Variants in GPM6A observed in about 807,000 individuals in gnomAD.
The protein encoded by GPM6A is neuronal membrane glycoprotein M6-a.
A neutral mutation model predicts 32.1 loss-of-function variants in GPM6A; 7 were observed. The observed-to-expected ratio is 0.22, with a 90% CI of 0.12 to 0.41. GPM6A has a LOEUF of 0.41. Among genes scored for constraint, GPM6A ranks in the 10% least tolerant of loss-of-function variants. The pLI is 1.00. For synonymous variants in GPM6A, 130 were observed against 123.4 expected, an observed-to-expected ratio of 1.05 and a Z score of -0.35; for missense variants, 235 against 347.2, an observed-to-expected ratio of 0.68 and a Z score of 2.57.
At chr4:175,915,476 T>C (rs1211880067) in intron 1 of GPM6A, among the ~76,000 whole-genome samples, 1 of 151,862 alleles carries the variant, frequency 6.6e-6, no homozygotes, top group Non-Finnish European at 1.5e-5. Context: ...TACATAGAGA[T>C]AGGGTTTTTA....
intron 1 of GPM6A, 95 bp downstream of exon 1, chr4:175,812,096 G>A (rs1734941968): frequency 1.1e-6 from 1 of 918,378 alleles, no homozygotes; most frequent in Non-Finnish European, 1.7e-6. Flanking sequence ...TTCCAAGAGA[G>A]AAACATTCAT....
intron 1 of GPM6A, among the ~76,000 whole-genome samples, chr4:175,777,941 A>G (rs1733459638): frequency 6.6e-6 from 1 of 152,228 alleles, no homozygotes; most frequent in Non-Finnish European, 1.5e-5. Context: ...CATTTAAAGT[A>G]ATGTTTTTAA....
intron 1 of GPM6A, among the ~76,000 whole-genome samples, chr4:175,938,216 A>T (rs912425272): frequency 6.6e-6 from 1 of 152,346 alleles, no homozygotes; most frequent in Admixed American, 6.5e-5. Flanking sequence ...ATGTCAAAGT[A>T]ACTAAAAGAG....
intron 1 of GPM6A, among the ~76,000 whole-genome samples, chr4:175,765,649 T>C (rs1231877530): frequency 6.6e-6 from 1 of 152,228 alleles, no homozygotes. Context: ...AGTATTTTTA[T>C]ACCCATATGT....
At chr4:175,672,333 AG>A (rs1299997066) in intron 3 of GPM6A, among the ~76,000 whole-genome samples, 1 of 152,230 alleles carries the variant, frequency 6.6e-6, no homozygotes, top group African/African-American at 2.4e-5. Context: ...TTTGTAAATG[AG>A]GAAACTGTGA....
intron 1 of GPM6A, chr4:175,970,975 G>A (rs1740484363): frequency 6.8e-6 from 3 of 442,532 alleles, no homozygotes; most frequent in African/African-American, 2.0e-5. Context: ...CTTGAGCAGC[G>A]CAGAGCGCTC....
At chr4:175,769,523 CT>C (rs140397655) in intron 1 of GPM6A, among the ~76,000 whole-genome samples, 3,200 of 151,896 alleles carry the variant, frequency 0.021, 49 homozygotes, top group Middle Eastern at 0.027. Flanking sequence ...CAGGGCCCCC[CT>C]GTGACTCATA....
At chr4:175,745,333 G>A (rs1732059295) in intron 1 of GPM6A, among the ~76,000 whole-genome samples, 1 of 152,188 alleles carries the variant, frequency 6.6e-6, no homozygotes, top group Admixed American at 6.6e-5. Flanking sequence ...GCAGATGAAA[G>A]TGTTTTCTTG....
At chr4:175,966,386 G>A (rs1203364721) in intron 1 of GPM6A, among the ~76,000 whole-genome samples, 1 of 151,306 alleles carries the variant, frequency 6.6e-6, no homozygotes, top group Non-Finnish European at 1.5e-5. Flanking sequence ...TGGGGCCACA[G>A]AGCAAGATTC....
intron 1 of GPM6A, among the ~76,000 whole-genome samples, chr4:175,893,788 A>C (rs1737715215): frequency 6.6e-6 from 1 of 152,212 alleles, no homozygotes; most frequent in Non-Finnish European, 1.5e-5. Flanking sequence ...TCACTGAAGA[A>C]TATAAGTTTA....
intron 1 of GPM6A, among the ~76,000 whole-genome samples, chr4:175,873,368 T>C (rs1736974127): frequency 6.6e-6 from 1 of 152,166 alleles, no homozygotes; most frequent in African/African-American, 2.4e-5. Flanking sequence ...ATTTAAATTA[T>C]AATTACAGAA....
intron 1 of GPM6A, among the ~76,000 whole-genome samples, chr4:175,966,928 G>A (rs1323023830): frequency 3.3e-5 from 5 of 152,078 alleles, no homozygotes; most frequent in African/African-American, 1.2e-4. Context: ...ACAGAAAATA[G>A]GAGTGGAGGG....
At chr4:175,704,629 C>T (rs1745072776) in intron 1 of GPM6A, among the ~76,000 whole-genome samples, 1 of 152,102 alleles carries the variant, frequency 6.6e-6, no homozygotes, top group African/African-American at 2.4e-5. Flanking sequence ...AGAGCTATCC[C>T]TATTTTTGGC....
At chr4:175,942,897 T>TC (rs1386866100) in intron 1 of GPM6A, among the ~76,000 whole-genome samples, 1 of 152,118 alleles carries the variant, frequency 6.6e-6, no homozygotes, top group Non-Finnish European at 1.5e-5. Context: ...TAAAGTAGTT[T>TC]TTTTTTCTAA....
rs148486442 is a variant in GPM6A at position 175,905,611 on chromosome 4, A to C, written c.-22-93362T>G. On this transcript the variant is annotated intron_variant, in intron 1 of 7. Transcript: ENST00000280187. ...TGACCTGATTTTAGCCAAATACAGG[A>C]GGGTAGAAGTCTTTTCAATGTTTAC... Among the ~76,000 whole-genome samples, 176 of 152,190 alleles carry C rather than the reference A, an allele frequency of 1.2e-3. 2 individuals are homozygous for C. The highest frequency in any genetic ancestry group is 6.8e-3 in the Middle Eastern group (2 of 294).
At chr4:175,692,710 A>G (rs1428374470) in intron 2 of GPM6A, among the ~76,000 whole-genome samples, 1 of 151,932 alleles carries the variant, frequency 6.6e-6, no homozygotes, top group Non-Finnish European at 1.5e-5. Context: ...TTCTTTTGTG[A>G]TTTACTATAT....
intron 3 of GPM6A, among the ~76,000 whole-genome samples, chr4:175,667,113 T>C (rs1265801230): frequency 2.0e-5 from 3 of 152,344 alleles, no homozygotes; most frequent in East Asian, 3.9e-4. Context: ...TAACCTTCTA[T>C]ATACAGGATG....
At chr4:175,825,555 T>C (rs1476397675) in intron 1 of GPM6A, among the ~76,000 whole-genome samples, 1 of 152,180 alleles carries the variant, frequency 6.6e-6, no homozygotes, top group Non-Finnish European at 1.5e-5. Flanking sequence ...TGGGCAATGA[T>C]GAAAATATAT....
intron 1 of GPM6A, among the ~76,000 whole-genome samples, chr4:175,951,714 G>C (rs1739818784): frequency 6.6e-6 from 1 of 152,238 alleles, no homozygotes; most frequent in African/African-American, 2.4e-5. Flanking sequence ...CTTTATACAA[G>C]TCAAGGCTTC....
Sources: gnomAD v4.1 joint callset for allele counts (sites outside exome capture counted in the v4.1 genomes callset) on GRCh38, gnomAD v4.1.1 for gene constraint, MANE v1.5 for transcripts, NCBI Gene and HGNC (gene_info 2026-07-23, HGNC 2026-07-21) for gene names.